GSG1L: variants seen among roughly 807,000 people sequenced by gnomAD.
GSG1L encodes the protein germ cell-specific gene 1-like protein.
In GSG1L, 24 loss-of-function variants were observed where a neutral mutation model predicts 42.1. The observed-to-expected ratio is 0.57, with a 90% CI of 0.41 to 0.80. The LOEUF (loss-of-function observed/expected upper bound fraction) is 0.80, where lower values mean the gene tolerates loss of function less well. Ranked by LOEUF, GSG1L falls within the 30% of genes least tolerant of loss-of-function variation. The pLI, the probability that GSG1L is intolerant of heterozygous loss-of-function variation, is 0.00. For synonymous variants in GSG1L, 215 were observed against 203.5 expected (o/e 1.06, Z -0.48); for missense variants, 445 against 472.2 (o/e 0.94, Z 0.53).
intron 1 of GSG1L, among the ~76,000 whole-genome samples, chr16:28,001,758 T>G (rs375257657): frequency 6.6e-6 from 1 of 152,162 alleles, no homozygotes; most frequent in African/African-American, 2.4e-5. Flanking sequence ...GCCCAGTGGA[T>G]AGAGTATGTA....
Position 27,905,339 on chromosome 16 carries a change from TA to T in GSG1L, c.398-20702del, listed in dbSNP as rs200080126. Among the ~76,000 whole-genome samples, 221 of 148,744 alleles carry T rather than the reference TA, an allele frequency of 1.5e-3. 6 individuals are homozygous for T. Among genetic ancestry groups the T allele is most frequent in the Middle Eastern group, 6.9e-3 (2 of 290 alleles). On this transcript the variant is annotated intron_variant, in intron 2 of 6. Transcript: ENST00000447459. ...AGAATCTTTTTTTTTTTTTTTTTTT[TA>T]AAGCGACAGGGTCTCACTTTGTTGC...
chr16:28,002,344 C>G (rs4309397), intron 1 of GSG1L, among the ~76,000 whole-genome samples: 51,766 of 152,098 alleles, frequency 0.34, 11,753 homozygotes, highest in African/African-American at 0.64. Flanking sequence ...GGGGTGGCCA[C>G]ACACTGTGGC....
chr16:28,060,298 GCTAT>G, intron 1 of GSG1L, among the ~76,000 whole-genome samples: 1 of 152,162 alleles, frequency 6.6e-6, no homozygotes, highest in East Asian at 1.9e-4. Flanking sequence ...CCAGGTACTT[GCTAT>G]CACCCTTTCA....
intron 2 of GSG1L, among the ~76,000 whole-genome samples, chr16:27,925,161 C>T (rs2084576493): frequency 6.6e-6 from 1 of 152,210 alleles, no homozygotes; most frequent in African/African-American, 2.4e-5. Context: ...CCACTTCACA[C>T]ATTTCTCTTA....
chr16:28,032,988 A>G (rs574806375), intron 1 of GSG1L, among the ~76,000 whole-genome samples: 1 of 152,328 alleles, frequency 6.6e-6, no homozygotes, highest in Admixed American at 6.5e-5. Context: ...CTTCCTGCTT[A>G]AACGCCCTCA....
rs139932447 is a variant in GSG1L, at chr16:27,932,646, C to T, written c.397+30510G>A. ...AGTCATCTGCAGCAGGCCCCACCTT[C>T]AGCATTGGGGATTATAGATTTGGGT... On this transcript the variant is annotated intron_variant, in intron 2 of 6. Transcript: ENST00000447459. Among the ~76,000 whole-genome samples, 918 of 152,228 alleles carry T rather than the reference C, an allele frequency of 6.0e-3. 4 individuals carry two copies. The highest frequency in any genetic ancestry group is 0.014 in the Middle Eastern group (4 of 294).
intron 1 of GSG1L, among the ~76,000 whole-genome samples, chr16:27,992,012 G>A (rs1389802953): frequency 2.0e-5 from 3 of 152,164 alleles, no homozygotes; most frequent in East Asian, 3.9e-4. Flanking sequence ...TGGCAAGAGC[G>A]ACGCCATCTG....
intron 6 of GSG1L, among the ~76,000 whole-genome samples, chr16:27,794,974 G>C (rs1438875360): frequency 6.6e-6 from 1 of 152,034 alleles, no homozygotes; most frequent in Admixed American, 6.5e-5. Flanking sequence ...TGGAGGCTTT[G>C]CTCCTTTCCC....
At chr16:27,809,079 C>T (rs765648891) in intron 5 of GSG1L, among the ~76,000 whole-genome samples, 1 of 152,162 alleles carries the variant, frequency 6.6e-6, no homozygotes, top group Admixed American at 6.5e-5. Flanking sequence ...TAGAGAAACA[C>T]AATCTAGTCC....
intron 2 of GSG1L, among the ~76,000 whole-genome samples, chr16:27,952,191 C>T (rs1596641898): frequency 6.6e-6 from 1 of 152,236 alleles, no homozygotes; most frequent in African/African-American, 2.4e-5. Context: ...CTCATTCACC[C>T]ATTCATTTAT....
At chr16:27,962,235 G>A (rs1213409823) in intron 2 of GSG1L, among the ~76,000 whole-genome samples, 1 of 152,194 alleles carries the variant, frequency 6.6e-6, no homozygotes, top group Non-Finnish European at 1.5e-5. Flanking sequence ...GCATTGCCCA[G>A]GATAAAGACC....
intron 3 of GSG1L, among the ~76,000 whole-genome samples, chr16:27,852,656 T>C (rs1160813226): frequency 2.0e-5 from 3 of 152,148 alleles, no homozygotes; most frequent in Non-Finnish European, 4.4e-5. Context: ...GAGATGCTGC[T>C]GCAGGGATAA....
At chr16:28,024,456 A>T (rs1428266609) in intron 1 of GSG1L, among the ~76,000 whole-genome samples, 2 of 152,244 alleles carry the variant, frequency 1.3e-5, no homozygotes, top group Non-Finnish European at 2.9e-5. Context: ...GGGAGTGAAA[A>T]ATAAAACAAT....
intron 4 of GSG1L, among the ~76,000 whole-genome samples, chr16:27,831,652 C>T (rs1375339010): frequency 6.6e-6 from 1 of 152,150 alleles, no homozygotes; most frequent in East Asian, 1.9e-4. Context: ...TTTGCTAGAG[C>T]CCAAGGGCCC....
chr16:28,057,944 C>T (rs896627614), intron 1 of GSG1L, among the ~76,000 whole-genome samples: 1 of 152,156 alleles, frequency 6.6e-6, no homozygotes, highest in African/African-American at 2.4e-5. Context: ...ACAAAACACT[C>T]AACAAAACCT....
intron 1 of GSG1L, among the ~76,000 whole-genome samples, chr16:27,992,012 G>C (rs1389802953): frequency 6.6e-6 from 1 of 152,164 alleles, no homozygotes. Flanking sequence ...TGGCAAGAGC[G>C]ACGCCATCTG....
chr16:27,926,504 G>C (rs2084593964), intron 2 of GSG1L, among the ~76,000 whole-genome samples: 1 of 138,614 alleles, frequency 7.2e-6, no homozygotes, highest in Non-Finnish European at 1.6e-5. Flanking sequence ...TCCTATCTGT[G>C]CTGAAAAAAA....
At position 28,005,705 on chromosome 16, in the gene GSG1L, T is replaced by C. The variant is rs8046515; in HGVS notation, c.350-42502A>G. 8.8e-3 allele frequency among the ~76,000 whole-genome samples: 1,345 copies of C among 152,150 alleles called. 22 individuals carry two copies. Among genetic ancestry groups the C allele is most frequent in the African/African-American group, 0.031 (1,287 of 41,500 alleles). Reference sequence around the variant, plus strand: ...CCTCTGTGCCTCAGTTTCCTATTCCTAAAATAGGCATAATAATAGTACCTT... The same window carrying C: ...CCTCTGTGCCTCAGTTTCCTATTCCCAAAATAGGCATAATAATAGTACCTT... On this transcript the variant is annotated intron_variant, in intron 1 of 6. Coordinates refer to ENST00000447459, the MANE Select transcript of GSG1L (RefSeq NM_001109763.2).
At chr16:28,051,358 G>C (rs1232514816) in intron 1 of GSG1L, among the ~76,000 whole-genome samples, 1 of 152,188 alleles carries the variant, frequency 6.6e-6, no homozygotes, top group East Asian at 1.9e-4. Context: ...GTTTGGAAAA[G>C]GGTCTCTCCC....
Sources: allele counts gnomAD v4.1 joint callset (sites outside exome capture counted in the v4.1 genomes callset), GRCh38; gene constraint gnomAD v4.1.1; transcripts MANE v1.5; gene names NCBI Gene and HGNC (gene_info 2026-07-23, HGNC 2026-07-21).